Variants in CR1L observed in about 807,000 individuals in gnomAD.
CR1L encodes the protein complement component receptor 1-like protein.
CR1L carries 59 observed loss-of-function variants against 62.3 expected under a neutral mutation model. That is an observed-to-expected ratio of 0.95 (90% CI 0.77 to 1.18). CR1L has a LOEUF of 1.18. Among genes scored for constraint, CR1L ranks in the 50% most tolerant of loss-of-function variants. The pLI, the probability that CR1L is intolerant of heterozygous loss-of-function variation, is 0.00. For missense variants in CR1L, 700 were observed against 702.8 expected (o/e 1.00, Z 0.04); for synonymous variants, 279 against 248.7 (o/e 1.12, Z -1.15).
chr1:207,714,786 CT>C (rs1440072012), intron 10 of CR1L, among the ~76,000 whole-genome samples: 4 of 152,122 alleles, frequency 2.6e-5, no homozygotes. Context: ...CCTGACCCTT[CT>C]TTTTTTCTTA....
chr1:207,651,476 A>T (rs2102439175), intron 1 of CR1L, among the ~76,000 whole-genome samples: 1 of 152,280 alleles, frequency 6.6e-6, no homozygotes, highest in East Asian at 1.9e-4. Flanking sequence ...ATGACCAGGG[A>T]GTAAGAAAAG....
At chr1:207,687,277 G>A (rs186949012) in intron 4 of CR1L, among the ~76,000 whole-genome samples, 100 of 152,214 alleles carry the variant, frequency 6.6e-4, no homozygotes, top group Admixed American at 2.5e-3. Context: ...AGAATTCACT[G>A]GAAAAGCCAT....
chr1:207,652,660 G>A (rs186639339), intron 1 of CR1L: 10 of 1,057,750 alleles, frequency 9.5e-6, no homozygotes, highest in Middle Eastern at 2.0e-4. Flanking sequence ...ACACTTCTAC[G>A]TACCTCCTCT....
chr1:207,686,267 T>C (rs528760470), intron 4 of CR1L, among the ~76,000 whole-genome samples: 1 of 149,904 alleles, frequency 6.7e-6, no homozygotes, highest in South Asian at 2.1e-4. Context: ...CATTGAACAT[T>C]GGTAGCAATA....
rs765293717 is a variant in CR1L at position 207,694,369 on chromosome 1, AC to A, written c.486del (p.Thr163ProfsTer21). On this transcript the variant is annotated frameshift_variant, in exon 5 of 12. Transcript: ENST00000508064. LOFTEE classifies it high-confidence loss of function. Reference protein sequence around the residue: ...PVCDRIICGLPPTIANGDFTS... With the variant: ...PVCDRIICGLXPTIANGDFTS... ...CTTTCCCAGGAATTATTTGTGGGCT[AC>A]CCCCCACCATCGCCAATGGAGATTT... 80 of 1,613,804 alleles carry A rather than the reference AC, an allele frequency of 5.0e-5. No homozygotes were observed. Among genetic ancestry groups the A allele is most frequent in the Non-Finnish European group, 6.5e-5 (77 of 1,179,876 alleles).
At chr1:207,675,063 T>C (rs1350196899) in intron 1 of CR1L, among the ~76,000 whole-genome samples, 2 of 152,216 alleles carry the variant, frequency 1.3e-5, no homozygotes, top group East Asian at 1.9e-4. Context: ...CAAATATGCA[T>C]TGAGTGCTTA....
intron 1 of CR1L, among the ~76,000 whole-genome samples, chr1:207,650,667 T>A (rs1361604448): frequency 6.6e-6 from 1 of 152,228 alleles, no homozygotes. Context: ...TGTAGTCAAA[T>A]ACCATGAATT....
At chr1:207,697,947 A>T in intron 7 of CR1L, 74 bp downstream of exon 7, 2 of 1,601,994 alleles carry the variant, frequency 1.2e-6, no homozygotes, top group South Asian at 1.1e-5. Flanking sequence ...GGGAGATTTG[A>T]TGTGGCTTAA....
At chr1:207,654,203 A>G (rs1250005226) in intron 1 of CR1L, among the ~76,000 whole-genome samples, 2 of 152,236 alleles carry the variant, frequency 1.3e-5, no homozygotes. Flanking sequence ...GATTCAAACA[A>G]TAGCAATAAT....
chr1:207,699,414 G>C, intron 8 of CR1L, 140 bp downstream of exon 8: 1 of 1,039,046 alleles, frequency 9.6e-7, no homozygotes, highest in Non-Finnish European at 1.4e-6. Context: ...AGTAATGTTT[G>C]GTTGTGAATC....
At chr1:207,656,974 T>A in intron 1 of CR1L, 1 of 492,750 alleles carries the variant, frequency 2.0e-6, no homozygotes, top group East Asian at 3.3e-5. Flanking sequence ...GATGATATAT[T>A]TGCTCATAGA....
intron 1 of CR1L, among the ~76,000 whole-genome samples, chr1:207,655,936 GA>G (rs1436530108): frequency 6.6e-6 from 1 of 151,802 alleles, no homozygotes; most frequent in Non-Finnish European, 1.5e-5. Context: ...GTAGACTTTG[GA>G]AAATATCACT....
At chr1:207,689,354 A>G (rs1469400083) in intron 4 of CR1L, among the ~76,000 whole-genome samples, 1 of 151,928 alleles carries the variant, frequency 6.6e-6, no homozygotes, top group Non-Finnish European at 1.5e-5. Flanking sequence ...TATCCTATCT[A>G]TGAAATGTGT....
chr1:207,660,628 TTA>T (rs1222635933), intron 1 of CR1L, among the ~76,000 whole-genome samples: 2 of 152,232 alleles, frequency 1.3e-5, no homozygotes, highest in Non-Finnish European at 2.9e-5. Flanking sequence ...GAAGGGTTTT[TTA>T]TGTCTCTATT....
chr1:207,714,589 G>T (rs1653945775), intron 10 of CR1L, among the ~76,000 whole-genome samples: 3 of 152,176 alleles, frequency 2.0e-5, no homozygotes, highest in Admixed American at 2.0e-4. Flanking sequence ...TGGTGATACA[G>T]TATGAGTCTG....
chr1:207,688,623 C>G (rs1281254048), intron 4 of CR1L, among the ~76,000 whole-genome samples: 1 of 152,122 alleles, frequency 6.6e-6, no homozygotes, highest in Admixed American at 6.5e-5. Flanking sequence ...AAGAATCCTA[C>G]TTGAATTTGT....
At position 207,683,927 on chromosome 1, in the gene CR1L, A is replaced by C; in HGVS notation, c.433A>C (p.Ile145Leu). Residue 145 changes from isoleucine (I) to leucine (L), a missense_variant, in exon 4 of 12, where the codon ATT (isoleucine) becomes CTT (leucine). Physicochemically the swap from Ile to Leu is conservative, Grantham distance 5 (BLOSUM62 2). Coordinates refer to ENST00000508064, the MANE Select transcript of CR1L (RefSeq NM_175710.2). ...ATGCATCATCTCAGGCAACACTGTC[A>C]TTTGGGATAATAAAACACCTGTTTG... is the stretch of plus-strand genomic sequence containing the variant. ...ATCIISGNTVIWDNKTPVCDR... is the reference protein window; with the variant it reads ...ATCIISGNTVLWDNKTPVCDR... 6.2e-7 allele frequency: 1 copy of C among 1,613,534 alleles called. No homozygotes were observed. Among genetic ancestry groups the C allele is most frequent in the South Asian group, 1.1e-5 (1 of 91,008 alleles).
At chr1:207,697,958 A>C in intron 7 of CR1L, 85 bp downstream of exon 7, 1 of 1,587,856 alleles carries the variant, frequency 6.3e-7, no homozygotes, top group Non-Finnish European at 8.6e-7. Context: ...TGTGGCTTAA[A>C]AAAAGACAGA....
rs145785900 is a variant in CR1L, at chr1:207,651,538, T to A, written c.97+6208T>A. ...TCTATCTACTTTGGTCCTTCCACTA[T>A]AGAAGAGGCCTTTGCATTCTGTTGG... On this transcript the variant is annotated intron_variant, in intron 1 of 11. Coordinates refer to ENST00000508064, the MANE Select transcript of CR1L (RefSeq NM_175710.2). Among the ~76,000 whole-genome samples, 749 of 152,310 alleles carry A rather than the reference T, an allele frequency of 4.9e-3. 6 individuals are homozygous for A. Among genetic ancestry groups the A allele is most frequent in the African/African-American group, 0.017 (707 of 41,562 alleles).
Sources: allele counts gnomAD v4.1 joint callset (sites outside exome capture counted in the v4.1 genomes callset), GRCh38; gene constraint gnomAD v4.1.1; transcripts MANE v1.5; gene names NCBI Gene and HGNC (gene_info 2026-07-23, HGNC 2026-07-21).